Variants in CDC42BPA observed in about 807,000 individuals in gnomAD.
CDC42BPA encodes serine/threonine-protein kinase MRCK alpha.
In CDC42BPA, 80 loss-of-function variants were observed where a neutral mutation model predicts 223.5. The observed-to-expected ratio is 0.36, with a 90% CI of 0.30 to 0.43. The LOEUF (loss-of-function observed/expected upper bound fraction) is 0.43, where lower values mean the gene tolerates loss of function less well. CDC42BPA is among the 20% of genes least tolerant of loss of function. The probability of loss-of-function intolerance (pLI) is 1.00; values close to 1 mark genes in which losing one functional copy is unlikely to be tolerated. For synonymous variants in CDC42BPA, 694 were observed against 718.6 expected (o/e 0.97, Z 0.55); for missense variants, 1,743 against 2,099.9 (o/e 0.83, Z 3.32).
At chr1:227,168,497 G>GTTTTTTTTTTTTTTTTTTTTTTTTTTTTT (rs1292387936) in intron 5 of CDC42BPA, among the ~76,000 whole-genome samples, 2 of 80,196 alleles carry the variant, frequency 2.5e-5, no homozygotes, top group African/African-American at 5.0e-5. Context: ...CTTCCCTGGT[G>GTTTTTTTTTTTTTTTTTTTTTTTTTTTTT]TTTTTTTTTT....
In CDC42BPA at chr1:227,107,718, G is replaced by C. The variant is rs555819984; in HGVS notation, c.2001+4594C>G. On this transcript the variant is annotated intron_variant, in intron 14 of 36. Transcript: ENST00000366766. ...CAAGCCGCTGGAGTGGGGTTGTGGA[G>C]TGCAGGAGGGTCTGTCAGAAGGTTT... is the stretch of plus-strand genomic sequence containing the variant. Among the ~76,000 whole-genome samples the C allele has an allele frequency of 6.6e-5, 10 of 152,300 alleles. No individual in the cohort carries two copies. In the East Asian group the frequency reaches 1.9e-3, roughly 29 times the overall value.
At chr1:227,194,287 A>C (rs921112578) in intron 4 of CDC42BPA, among the ~76,000 whole-genome samples, 3 of 152,080 alleles carry the variant, frequency 2.0e-5, no homozygotes, top group African/African-American at 7.2e-5. Context: ...CCCCTCCCCC[A>C]AAAAAACAAT....
chr1:227,101,322 T>TC, intron 14 of CDC42BPA, 83 bp from the exon 15 acceptor site: 1 of 820,234 alleles, frequency 1.2e-6, no homozygotes, highest in Non-Finnish European at 1.8e-6. Flanking sequence ...TATAAATGAG[T>TC]ATTCATATAA....
intron 1 of CDC42BPA, among the ~76,000 whole-genome samples, chr1:227,287,505 C>A (rs1429168715): frequency 1.3e-5 from 2 of 152,238 alleles, no homozygotes; most frequent in East Asian, 3.9e-4. Flanking sequence ...CCTGATAATT[C>A]TCTTCACAAG....
intron 1 of CDC42BPA, among the ~76,000 whole-genome samples, chr1:227,272,231 CTTAAAGTGTG>C (rs1686074439): frequency 6.6e-6 from 1 of 152,098 alleles, no homozygotes; most frequent in Non-Finnish European, 1.5e-5. Context: ...CCCTACTGCT[CTTAAAGTGTG>C]TTCTAAAATT....
At chr1:227,218,844 G>A (rs1449671262) in intron 2 of CDC42BPA, among the ~76,000 whole-genome samples, 1 of 152,070 alleles carries the variant, frequency 6.6e-6, no homozygotes, top group Non-Finnish European at 1.5e-5. Flanking sequence ...AATGGGGGAG[G>A]GAACTAAATA....
At chr1:227,304,898 C>T (rs72632818) in intron 1 of CDC42BPA, among the ~76,000 whole-genome samples, 23,958 of 152,026 alleles carry the variant, frequency 0.16, 2,173 homozygotes, top group East Asian at 0.37. Context: ...AATATACACA[C>T]CAAAATAAGT....
At chr1:227,169,618 C>G (rs1193174167) in intron 5 of CDC42BPA, among the ~76,000 whole-genome samples, 4 of 152,126 alleles carry the variant, frequency 2.6e-5, no homozygotes, top group East Asian at 3.9e-4. Context: ...GACCAGAGTT[C>G]TTCTACTTAT....
chr1:226,994,407 G>A lies in CDC42BPA; in HGVS notation c.5134-8C>T, dbSNP rs1166243854. On this transcript the variant is annotated splice_region_variant and splice_polypyrimidine_tract_variant and intron_variant, in intron 36 of 36. Coordinates refer to ENST00000366766, the MANE Select transcript of CDC42BPA (RefSeq NM_001394014.1). The surrounding 1 kb of genome is among the most constrained non-coding windows in gnomAD (Gnocchi z 4.0). ...CCTCGGAGAGTCAGAGTCCTGTAAGGCCCAAAGTAAAACATTAATGAGAAG... is the reference window on the plus strand; with the variant it reads ...CCTCGGAGAGTCAGAGTCCTGTAAGACCCAAAGTAAAACATTAATGAGAAG... The A allele has an allele frequency of 2.7e-6, 4 of 1,507,882 alleles. No homozygotes were observed. Among genetic ancestry groups the A allele is most frequent in the Non-Finnish European group, 3.6e-6 (4 of 1,124,274 alleles). 93.4% of individuals were successfully genotyped at this position (1,507,882 alleles called of 1,614,324 possible). A position where few individuals can be genotyped will look rare whatever the true frequency, so the allele number is the denominator to read the frequency against.
chr1:227,137,868 C>T (rs554708603), intron 10 of CDC42BPA, among the ~76,000 whole-genome samples: 1 of 152,124 alleles, frequency 6.6e-6, no homozygotes, highest in African/African-American at 2.4e-5. Flanking sequence ...AGGTTACAAA[C>T]TGGGAAGGGA....
chr1:227,133,530 G>A lies in CDC42BPA; in HGVS notation c.1391-4299C>T, dbSNP rs1048340490. Among the ~76,000 whole-genome samples the A allele has an allele frequency of 1.2e-4, 18 of 152,336 alleles. No individual in the cohort carries two copies. In the South Asian group the frequency reaches 1.2e-3, roughly 11 times the overall value. ...GTTTTGTGGAATAGAAAGGGGGGAA[G>A]GGTGGGGAAAAGATTGAGAAATCGG... On this transcript the variant is annotated intron_variant, in intron 10 of 36. Transcript: ENST00000366766.
chr1:227,152,176 T>C (rs989180915), intron 6 of CDC42BPA, among the ~76,000 whole-genome samples: 6 of 152,212 alleles, frequency 3.9e-5, no homozygotes, highest in Non-Finnish European at 7.3e-5. Context: ...TCATTCCATG[T>C]TGCCTTTTCA....
chr1:227,149,560 A>T (rs1464108799), intron 6 of CDC42BPA, among the ~76,000 whole-genome samples: 1 of 152,250 alleles, frequency 6.6e-6, no homozygotes, highest in Non-Finnish European at 1.5e-5. Context: ...GTTTAAAATT[A>T]TTAAAGACCT....
chr1:227,220,305 TATATATACACAC>T (rs201294841), intron 2 of CDC42BPA, among the ~76,000 whole-genome samples: 10,299 of 84,528 alleles, frequency 0.12, 687 homozygotes, highest in East Asian at 0.3. Flanking sequence ...TATATATATA[TATATATACACAC>T]ACACACACAC....
At chr1:227,000,427 T>C (rs1662584270) in intron 35 of CDC42BPA, among the ~76,000 whole-genome samples, 1 of 152,246 alleles carries the variant, frequency 6.6e-6, no homozygotes, top group Admixed American at 6.5e-5. Flanking sequence ...AAAATTACTT[T>C]AACATTTTGT....
chr1:227,051,831 T>C, intron 22 of CDC42BPA, 50 bp downstream of exon 22: 2 of 1,084,496 alleles, frequency 1.8e-6, no homozygotes, highest in Non-Finnish European at 2.6e-6. Flanking sequence ...AATTCCCTCT[T>C]TTCTGACACA....
chr1:227,187,101 T>G (rs1668895858), intron 5 of CDC42BPA, among the ~76,000 whole-genome samples: 1 of 152,188 alleles, frequency 6.6e-6, no homozygotes. Flanking sequence ...ACTTATTTTC[T>G]AATCTTGTTA....
intron 3 of CDC42BPA, among the ~76,000 whole-genome samples, chr1:227,204,882 T>C (rs948750391): frequency 6.6e-6 from 1 of 152,062 alleles, no homozygotes; most frequent in African/African-American, 2.4e-5. Context: ...ATAAAGATTT[T>C]TACAACATGG....
intron 3 of CDC42BPA, among the ~76,000 whole-genome samples, chr1:227,207,337 TATCTTTTTTTC>T (rs1672943568): frequency 1.4e-5 from 2 of 147,876 alleles, no homozygotes; most frequent in African/African-American, 5.0e-5. Flanking sequence ...TTTACTGGCA[TATCTTTTTTTC>T]ATCTTTTTTT....
Sources: allele counts gnomAD v4.1 joint callset (sites outside exome capture counted in the v4.1 genomes callset), GRCh38; gene constraint gnomAD v4.1.1; non-coding constraint Gnocchi (gnomAD v3.1); transcripts MANE v1.5; gene names NCBI Gene and HGNC (gene_info 2026-07-23, HGNC 2026-07-21).